MRPL23: variants seen among roughly 807,000 people sequenced by gnomAD.
MRPL23 encodes mitochondrial ribosomal protein L23, also known as large ribosomal subunit protein uL23m.
For synonymous variants in MRPL23, 12 were observed against 34.8 expected (o/e 0.35, Z 2.30); for missense variants, 25 against 81.3 (o/e 0.31, Z 2.66).
At chr11:1,993,284 G>C in the MRPL23 span, 8 of 93,436 alleles carry the variant, frequency 8.6e-5, 1 homozygote, top group African/African-American at 2.4e-4. Context: ...GAGCAAGCGT[G>C]TCATTCATAC....
rs1354301959 is a variant in MRPL23 at position 1,971,089 on chromosome 11, C to T, written c.298-1470C>T. Reference sequence around the variant, plus strand: ...CGTCCACCACTCGTCCCTGTCCTCCCGGGGCCCCGGCCTGGCCACAGCCCT... The same window carrying T: ...CGTCCACCACTCGTCCCTGTCCTCCTGGGGCCCCGGCCTGGCCACAGCCCT... On this transcript the variant is annotated intron_variant, in intron 4 of 4. Transcript: ENST00000397294. Among the ~76,000 whole-genome samples, 5 of 145,576 alleles carry T rather than the reference C, an allele frequency of 3.4e-5. 2 individuals carry two copies. The highest frequency in any genetic ancestry group is 1.4e-4 in the Admixed American group (2 of 14,448).
At chr11:1,994,376 G>T in the MRPL23 span, among the ~76,000 whole-genome samples, 1 of 95,648 alleles carries the variant, frequency 1.0e-5, no homozygotes, top group African/African-American at 2.7e-5. Context: ...CCTGGGGAGC[G>T]AACCCCTGCA....
At chr11:1,971,756 T>C (rs74047509) in intron 4 of MRPL23, among the ~76,000 whole-genome samples, 2,117 of 144,346 alleles carry the variant, frequency 0.015, 105 homozygotes, top group African/African-American at 0.05. Flanking sequence ...CTCCCAGACA[T>C]TGCCCGTTCC....
the MRPL23 span, among the ~76,000 whole-genome samples, chr11:1,994,451 G>A: frequency 1.1e-5 from 1 of 93,670 alleles, no homozygotes; most frequent in African/African-American, 2.8e-5. Context: ...CCCTCACCCT[G>A]GGCCCTCCCG....
At chr11:1,971,389 T>TGCGGCTGCCCCGGGCCCTGGC (rs1856609456) in intron 4 of MRPL23, among the ~76,000 whole-genome samples, 1 of 106,622 alleles carries the variant, frequency 9.4e-6, no homozygotes, top group Non-Finnish European at 2.2e-5. Context: ...AGTGCCACTT[T>TGCGGCTGCCCCGGGCCCTGGC]GCGGCTGCCC....
downstream of MRPL23, among the ~76,000 whole-genome samples, chr11:1,963,978 T>TCCTGGGGTGTA (rs1257449780): frequency 1.4e-5 from 2 of 138,584 alleles, no homozygotes; most frequent in African/African-American, 5.1e-5. Flanking sequence ...ATGAGCAGCT[T>TCCTGGGGTGTA]CCTGGGGTGT....
the MRPL23 span, among the ~76,000 whole-genome samples, chr11:1,991,550 T>TCACACACA: frequency 6.1e-3 from 416 of 67,660 alleles, 5 homozygotes; most frequent in South Asian, 0.014. Flanking sequence ...TTGTCAGGCA[T>TCACACACA]CACACACACA....
At chr11:1,971,200 C>T (rs217252) in intron 4 of MRPL23, among the ~76,000 whole-genome samples, 1 of 132,996 alleles carries the variant, frequency 7.5e-6, no homozygotes, top group South Asian at 3.1e-4. Flanking sequence ...GGTTCAGGAG[C>T]CAGCCCCTGC....
chr11:1,994,535 A>G, the MRPL23 span, among the ~76,000 whole-genome samples: 2 of 94,312 alleles, frequency 2.1e-5, 1 homozygote, highest in Non-Finnish European at 5.7e-5. Context: ...CCTCCTTAGG[A>G]CCTCTGCCCC....
At chr11:1,991,592 G>A in the MRPL23 span, among the ~76,000 whole-genome samples, 48,286 of 123,896 alleles carry the variant, frequency 0.39, 14,223 homozygotes, top group Non-Finnish European at 0.55. Flanking sequence ...ACACACACCC[G>A]TGCACACCCA....
chr11:1,959,911 G>A (rs1034358587), downstream of MRPL23, among the ~76,000 whole-genome samples: 3 of 125,836 alleles, frequency 2.4e-5, 1 homozygote, highest in Non-Finnish European at 3.5e-5. Flanking sequence ...GAGCAGGGTC[G>A]GGGACAGCCA....
chr11:1,992,020 C>T, the MRPL23 span: 7 of 14,948 alleles, frequency 4.7e-4, no homozygotes, highest in African/African-American at 8.7e-4. Flanking sequence ...TGCCTGAAAA[C>T]GTGCTCCTGG....
At chr11:1,978,838 AG>A (rs992826594) in intron 5 of MRPL23, among the ~76,000 whole-genome samples, 4 of 86,430 alleles carry the variant, frequency 4.6e-5, no homozygotes, top group Non-Finnish European at 7.4e-5. Flanking sequence ...GTCAGAGTGG[AG>A]GGGGAGAAAG....
At chr11:1,959,267 G>A (rs1197445068), downstream of MRPL23, among the ~76,000 whole-genome samples, 2 of 71,140 alleles carry the variant, frequency 2.8e-5, 1 homozygote, top group Non-Finnish European at 6.0e-5. Context: ...GGGTGGGCAG[G>A]CGGCCCCACT....
chr11:1,971,072 A>C, intron 4 of MRPL23, among the ~76,000 whole-genome samples: 1 of 141,036 alleles, frequency 7.1e-6, no homozygotes, highest in African/African-American at 2.5e-5. Context: ...CACGTCCACC[A>C]CTCGTCCCTG....
At chr11:1,959,392 G>A (rs1425890445), downstream of MRPL23, among the ~76,000 whole-genome samples, 1 of 7,382 alleles carries the variant, frequency 1.4e-4, no homozygotes, top group African/African-American at 1.5e-4. Flanking sequence ...GGCCCTGGGT[G>A]GAGTGGGATG....
At chr11:1,974,907 AT>A (rs1054086965), downstream of MRPL23, among the ~76,000 whole-genome samples, 1 of 40,662 alleles carries the variant, frequency 2.5e-5, no homozygotes, top group African/African-American at 9.3e-5. Context: ...GCGAGCGGCC[AT>A]TGGAGGGGGA....
chr11:1,991,556 A>T, the MRPL23 span, among the ~76,000 whole-genome samples: 18 of 93,272 alleles, frequency 1.9e-4, 2 homozygotes, highest in African/African-American at 8.1e-4. Flanking sequence ...GGCATCACAC[A>T]CACACACACA....
downstream of MRPL23, among the ~76,000 whole-genome samples, chr11:1,989,103 C>A (rs1856846983): frequency 7.3e-6 from 1 of 137,722 alleles, no homozygotes; most frequent in African/African-American, 2.5e-5. Flanking sequence ...TTAAAAGAGA[C>A]CCCCAACAGG....
Sources: gnomAD v4.1 joint callset for allele counts (sites outside exome capture counted in the v4.1 genomes callset) on GRCh38, gnomAD v4.1.1 for gene constraint, MANE v1.5 for transcripts, NCBI Gene and HGNC (gene_info 2026-07-23, HGNC 2026-07-21) for gene names.